Variants in DHX37 observed in about 807,000 individuals in gnomAD.
DHX37 encodes the protein probable ATP-dependent RNA helicase DHX37.
DHX37 carries 52 observed loss-of-function variants against 134.3 expected under a neutral mutation model. The ratio of observed to expected loss-of-function variants is 0.39; its 90% confidence interval spans 0.31 to 0.49. The LOEUF (loss-of-function observed/expected upper bound fraction) is 0.49. Among genes scored for constraint, DHX37 ranks in the 20% least tolerant of loss-of-function variants. DHX37 has a pLI of 0.93. For missense variants in DHX37, 1,344 were observed against 1,580.8 expected (o/e 0.85, Z 2.54); for synonymous variants, 634 against 670.7 (o/e 0.95, Z 0.85).
In DHX37 at chr12:124,956,684, C is replaced by T. The variant is rs1466042879; in HGVS notation, c.2453+7G>A. 1 of 1,543,544 alleles carries T rather than the reference C, an allele frequency of 6.5e-7. No homozygotes were observed. On this transcript the variant is annotated splice_region_variant and intron_variant, in intron 18 of 26. Transcript: ENST00000308736. Reference sequence around the variant, plus strand: ...TGGCCCTGAGTGCCCAGCCGCCAACCTCGCACCTGTCCAGCTCCTCAAACA... The same window carrying T: ...TGGCCCTGAGTGCCCAGCCGCCAACTTCGCACCTGTCCAGCTCCTCAAACA...
intron 25 of DHX37, 49 bp from the exon 26 acceptor site, chr12:124,948,230 GGCT>G (rs749021013): frequency 1.3e-6 from 2 of 1,585,878 alleles, no homozygotes; most frequent in Non-Finnish European, 1.7e-6. Flanking sequence ...GGCACAGACC[GGCT>G]GCTGCTGGGG....
At position 124,971,341 on chromosome 12, in the gene DHX37, G is replaced by A. The variant is rs377307916; in HGVS notation, c.1152C>T (p.Leu384=). ...TCACAATGCGGGACAGGAGGCCGATGAGGATGTCCGTGTACACGCTCCTCT... is the reference window on the plus strand; with the variant it reads ...TCACAATGCGGGACAGGAGGCCGATAAGGATGTCCGTGTACACGCTCCTCT... ...AHERSVYTDI[L]IGLLSRIVTL... The change falls in exon 8 of 27, where the codon CTC becomes CTT. Residue 384 remains leucine, a synonymous_variant. Coordinates refer to ENST00000308736, the MANE Select transcript of DHX37 (RefSeq NM_032656.4). 18 of 1,613,280 alleles carry A rather than the reference G, an allele frequency of 1.1e-5. No homozygotes were observed. The highest frequency in any genetic ancestry group is 1.1e-4 in the African/African-American group (8 of 74,924).
chr12:124,965,921 T>C, intron 12 of DHX37, 109 bp from the exon 13 acceptor site: 1 of 1,410,898 alleles, frequency 7.1e-7, no homozygotes, highest in African/African-American at 1.4e-5. Context: ...TCCACACCCA[T>C]GGGCCATGCA....
At position 124,947,547 on chromosome 12, in the gene DHX37, G is replaced by A. The variant is rs913417012; in HGVS notation, c.*255C>T. The stretch of plus-strand genomic sequence containing the variant: ...CAAAGAGCACACTGAACAGAACAGC[G>A]TCCAGCACGTGAGATGAAATCATCA... On this transcript the variant is annotated 3_prime_UTR_variant, in exon 27 of 27. Coordinates refer to ENST00000308736, the MANE Select transcript of DHX37 (RefSeq NM_032656.4). 26 of 481,352 alleles carry A rather than the reference G, an allele frequency of 5.4e-5. No homozygotes were observed. Among genetic ancestry groups the A allele is most frequent in the Middle Eastern group, 1.1e-3 (2 of 1,876 alleles). The allele number at this position is 481,352 out of a possible 1,614,324, so 29.8% of individuals were successfully genotyped here. A position where few individuals can be genotyped will look rare whatever the true frequency, so the allele number is the denominator to read the frequency against.
chr12:124,983,513 A>G (rs527481053), intron 2 of DHX37, among the ~76,000 whole-genome samples: 2 of 151,952 alleles, frequency 1.3e-5, no homozygotes, highest in East Asian at 3.9e-4. Context: ...GACCAGGCAC[A>G]GTGGCTCACG....
In DHX37 at chr12:124,950,453, G is replaced by A. The variant is rs757678192; in HGVS notation, c.3081C>T (p.Pro1027=). The change falls in exon 23 of 27, where the codon CCC becomes CCT. Residue 1027 remains proline, a synonymous_variant. Transcript: ENST00000308736. ...GGTGACACAGCACCCGCCCCCGCTC[G>A]GGGCAGTATGTAGGGGCTGGTTCCT... The part of the protein sequence containing the change: ...PLEEPAPTYC[P]ERGRVLCHRA... The A allele has an allele frequency of 2.3e-5, 36 of 1,589,774 alleles. No individual in the cohort carries two copies. The highest frequency in any genetic ancestry group is 2.1e-4 in the Admixed American group (12 of 56,852).
chr12:124,970,447 C>T (rs564125834), intron 8 of DHX37, among the ~76,000 whole-genome samples: 5 of 152,336 alleles, frequency 3.3e-5, no homozygotes, highest in South Asian at 2.1e-4. Context: ...ACCAGGCAGA[C>T]GCCCGCCTCA....
intron 13 of DHX37, 75 bp from the exon 14 acceptor site, chr12:124,965,081 C>T (rs1954352367): frequency 6.7e-7 from 1 of 1,493,320 alleles, no homozygotes; most frequent in Admixed American, 2.0e-5. Context: ...CACAGCGGCC[C>T]TGCACCCCCA....
In DHX37 at chr12:124,960,219, G is replaced by T. The variant is rs952627511; in HGVS notation, c.2157+93C>A. The stretch of plus-strand genomic sequence containing the variant: ...TGTGTAAGCAGCTGCCGCAGGCCAG[G>T]CACCAGCAGACCCAGCTCTGGGCTC... On this transcript the variant is annotated intron_variant, in intron 16 of 26. Coordinates refer to ENST00000308736, the MANE Select transcript of DHX37 (RefSeq NM_032656.4). The T allele has an allele frequency of 7.8e-6, 12 of 1,529,172 alleles. No homozygotes were observed. The African/African-American group carries it at 1.5e-4, about 19-fold the overall frequency. 94.7% of individuals were successfully genotyped at this position (1,529,172 alleles called of 1,614,324 possible).
At chr12:124,950,350 G>C in intron 23 of DHX37, 63 bp downstream of exon 23, 1 of 1,594,906 alleles carries the variant, frequency 6.3e-7, no homozygotes, top group Non-Finnish European at 8.5e-7. Context: ...GGACAGGACC[G>C]TGTGTCCGAG....
intron 5 of DHX37, 43 bp from the exon 6 acceptor site, chr12:124,975,554 C>T (rs748858330): frequency 6.3e-7 from 1 of 1,589,942 alleles, no homozygotes. Context: ...CGCGGCCCCA[C>T]CTGTTCATGC....
chr12:124,950,640 C>G (rs762258581), intron 22 of DHX37, 50 bp downstream of exon 22: 1 of 1,599,042 alleles, frequency 6.3e-7, no homozygotes, highest in East Asian at 2.2e-5. Flanking sequence ...AGCCACACCC[C>G]CATTAGCGTC....
intron 18 of DHX37, 111 bp from the exon 19 acceptor site, chr12:124,954,322 C>T (rs1954044242): frequency 6.9e-7 from 1 of 1,448,660 alleles, no homozygotes; most frequent in Non-Finnish European, 9.2e-7. Context: ...TGTGGGGTCA[C>T]TGATGAATGT....
chr12:124,964,465 G>A lies in DHX37; in HGVS notation c.1974C>T (p.Thr658=). The A allele has an allele frequency of 6.2e-7, 1 of 1,614,224 alleles. No individual in the cohort carries two copies. The highest frequency in any genetic ancestry group is 8.5e-7 in the Non-Finnish European group (1 of 1,180,032). Residue 658 remains threonine, a synonymous_variant, in exon 15 of 27, where the codon ACC becomes ACT. Transcript: ENST00000308736. ...GGTCAGCTGATGCCTGGGAGACCCA[G>A]GTGACACGGAAGGAGGATACGCCAG... ...RVTGVSSFRV[T]WVSQASADQR...
At position 124,947,898 on chromosome 12, in the gene DHX37, G is replaced by A. The variant is rs117271296; in HGVS notation, c.3389-11C>T. The A allele has an allele frequency of 0.012, 18,832 of 1,610,286 alleles. 119 individuals are homozygous for A. Among genetic ancestry groups the A allele is most frequent in the Middle Eastern group, 0.031 (187 of 6,042 alleles). The stretch of plus-strand genomic sequence containing the variant: ...ACTCAGCCAGCAGGTCTGCAGGGGA[G>A]GGAAGGAGGACAGTGTCAGGGTGAC... On this transcript the variant is annotated splice_polypyrimidine_tract_variant and intron_variant, in intron 26 of 26. Coordinates refer to ENST00000308736, the MANE Select transcript of DHX37 (RefSeq NM_032656.4).
intron 9 of DHX37, 89 bp from the exon 10 acceptor site, chr12:124,968,737 A>G: frequency 6.2e-7 from 1 of 1,605,000 alleles, no homozygotes; most frequent in Non-Finnish European, 8.5e-7. Flanking sequence ...TTCCGAATCA[A>G]GGTTTCTAAC....
rs201641734 is a variant in DHX37, at chr12:124,966,781, C to G, written c.1590+12G>C. ...CTTACTCTCCAGGAGTCCCTGCCAG[C>G]CCCCCACGTACCTCAGCCCGCGCCT... On this transcript the variant is annotated intron_variant, in intron 12 of 26. Transcript: ENST00000308736. The G allele has an allele frequency of 1.9e-6, 3 of 1,614,016 alleles. No individual in the cohort carries two copies. The highest frequency in any genetic ancestry group is 2.5e-6 in the Non-Finnish European group (3 of 1,179,824).
In DHX37 at chr12:124,989,068, C is replaced by T; in HGVS notation, c.-46G>A. On this transcript the variant is annotated 5_prime_UTR_variant, in exon 1 of 27. Transcript: ENST00000308736. ...CGCTCCAGCGGCCGGACCAGCAGAG[C>T]AATCCGAAACCCAGCCCACGTGGGT... The T allele has an allele frequency of 7.9e-7, 1 of 1,258,584 alleles. No homozygotes were observed. Among genetic ancestry groups the T allele is most frequent in the Non-Finnish European group, 1.0e-6 (1 of 985,728 alleles). The allele number at this position is 1,258,584 out of a possible 1,614,324, so 78.0% of individuals were successfully genotyped here.
chr12:124,978,598 G>A (rs1198403275), intron 4 of DHX37, among the ~76,000 whole-genome samples: 10 of 148,912 alleles, frequency 6.7e-5, no homozygotes, highest in Admixed American at 4.0e-4. Flanking sequence ...GATTACAGGC[G>A]TGAGCCATCG....
Sources: allele counts gnomAD v4.1 joint callset (sites outside exome capture counted in the v4.1 genomes callset), GRCh38; gene constraint gnomAD v4.1.1; transcripts MANE v1.5; gene names NCBI Gene and HGNC (gene_info 2026-07-23, HGNC 2026-07-21).